IQGAP2: variants seen among roughly 807,000 people sequenced by gnomAD.
IQGAP2 encodes the protein ras GTPase-activating-like protein IQGAP2.
Under a neutral mutation model 201.3 loss-of-function variants are expected in IQGAP2, and 173 were observed. The ratio of observed to expected loss-of-function variants is 0.86; its 90% CI spans 0.76 to 0.98. IQGAP2 has a LOEUF of 0.98. Among genes scored for constraint, IQGAP2 ranks in the 50% least tolerant of loss-of-function variants. The pLI is 0.00. For synonymous variants in IQGAP2, 675 were observed against 673.9 expected, an observed-to-expected ratio of 1.00 and a Z score of -0.03; for missense variants, 1,687 against 1,864.8, an observed-to-expected ratio of 0.90 and a Z score of 1.76.
intron 2 of IQGAP2, among the ~76,000 whole-genome samples, chr5:76,471,364 C>CAAAA (rs59781605): frequency 1.8e-4 from 13 of 72,490 alleles, no homozygotes; most frequent in East Asian, 7.3e-4. Flanking sequence ...ATAAACTAAG[C>CAAAA]AAAAAAAAAA....
chr5:76,561,287 T>C (rs1744346868), intron 2 of IQGAP2, among the ~76,000 whole-genome samples: 1 of 152,208 alleles, frequency 6.6e-6, no homozygotes, highest in South Asian at 2.1e-4. Context: ...TGGTCAGTAA[T>C]AACCACTTAT....
intron 2 of IQGAP2, among the ~76,000 whole-genome samples, chr5:76,525,434 A>G (rs1758916171): frequency 6.6e-6 from 1 of 152,186 alleles, no homozygotes; most frequent in Non-Finnish European, 1.5e-5. Flanking sequence ...ACAGTGCATT[A>G]GTTGATTTAG....
intron 2 of IQGAP2, among the ~76,000 whole-genome samples, chr5:76,496,765 CTTT>C (rs1756989644): frequency 9.7e-5 from 7 of 71,980 alleles, no homozygotes; most frequent in African/African-American, 5.0e-4. Context: ...TTCTTTCTTT[CTTT>C]CTTTCTTTCT....
intron 2 of IQGAP2, among the ~76,000 whole-genome samples, chr5:76,504,212 A>ATC (rs1757464436): frequency 6.6e-6 from 1 of 152,162 alleles, no homozygotes; most frequent in African/African-American, 2.4e-5. Context: ...TGCACCTTGC[A>ATC]TCTCTTCAGC....
At chr5:76,411,678 GCCCCTCA>G (rs781200318) in intron 1 of IQGAP2, among the ~76,000 whole-genome samples, 14 of 152,162 alleles carry the variant, frequency 9.2e-5, no homozygotes, top group Admixed American at 2.0e-4. Context: ...CCAGTTGCAG[GCCCCTCA>G]ACCTTGGACA....
At chr5:76,568,640 G>A (rs1399467859) in intron 3 of IQGAP2, among the ~76,000 whole-genome samples, 2 of 152,296 alleles carry the variant, frequency 1.3e-5, no homozygotes, top group East Asian at 3.9e-4. Context: ...CAAGAAAAGT[G>A]CATACCCATA....
Position 76,695,627 on chromosome 5 carries a change from C to G in IQGAP2, c.4167C>G (p.Ser1389=). The part of the protein sequence containing the change: ...RTLEQTGHVS[S]ENKYQDILNE... The stretch of plus-strand genomic sequence containing the variant: ...TGGAACAGACTGGACACGTGTCATC[C>G]GAAAATAAATACCAAGACATTCTCA... The change falls in exon 32 of 36, where the codon TCC becomes TCG. Residue 1389 remains serine (S), a synonymous_variant. Coordinates refer to ENST00000274364, the MANE Select transcript of IQGAP2 (RefSeq NM_006633.5). The G allele has an allele frequency of 6.2e-7, 1 of 1,614,000 alleles. No homozygotes were observed. The highest frequency in any genetic ancestry group is 1.1e-5 in the South Asian group (1 of 91,058).
At position 76,626,270 on chromosome 5, in the gene IQGAP2, C is replaced by CTTTTT. The variant is rs34251090; in HGVS notation, c.1522-1125_1522-1121dup. ...TTCTTTTTCTTTTTTTTCTTCTTTT[C>CTTTTT]TTTTTTTTTTTTTTTTTTTGTGAGA... On this transcript the variant is annotated intron_variant, in intron 13 of 35. Transcript: ENST00000274364. Among the ~76,000 whole-genome samples, 773 of 83,658 alleles carry CTTTTT rather than the reference C, an allele frequency of 9.2e-3. 17 individuals carry two copies. Among genetic ancestry groups the CTTTTT allele is most frequent in the African/African-American group, 0.01 (203 of 20,170 alleles). 54.9% of individuals were successfully genotyped at this position (83,658 alleles called of 152,430 possible).
At chr5:76,587,302 T>G (rs1375745855) in intron 5 of IQGAP2, among the ~76,000 whole-genome samples, 1 of 152,224 alleles carries the variant, frequency 6.6e-6, no homozygotes, top group African/African-American at 2.4e-5. Context: ...GTGTACCCTT[T>G]CAAGCTGGCA....
At chr5:76,644,440 C>CTGG (rs756235486) in intron 17 of IQGAP2, among the ~76,000 whole-genome samples, 2 of 151,586 alleles carry the variant, frequency 1.3e-5, no homozygotes, top group Non-Finnish European at 2.9e-5. Context: ...GCTGGGATTA[C>CTGG]TGGCATGCGC....
intron 12 of IQGAP2, chr5:76,606,940 A>C (rs1747850962): frequency 6.6e-6 from 1 of 152,222 alleles, no homozygotes; most frequent in African/African-American, 2.4e-5. Context: ...TGTAGTATGC[A>C]TTACCAAATT....
At chr5:76,677,778 A>T (rs1224905945) in intron 28 of IQGAP2, among the ~76,000 whole-genome samples, 1 of 152,114 alleles carries the variant, frequency 6.6e-6, no homozygotes, top group African/African-American at 2.4e-5. Flanking sequence ...AAAATTTTTT[A>T]AAAACTAGCC....
intron 2 of IQGAP2, among the ~76,000 whole-genome samples, chr5:76,539,574 C>T (rs1001620713): frequency 2.0e-5 from 3 of 152,232 alleles, no homozygotes; most frequent in East Asian, 3.9e-4. Context: ...CTTGGAAGTC[C>T]CCCAACCCCT....
chr5:76,649,695 A>T (rs1410850523), intron 17 of IQGAP2, among the ~76,000 whole-genome samples: 1 of 152,044 alleles, frequency 6.6e-6, no homozygotes, highest in Non-Finnish European at 1.5e-5. Context: ...GGTCTGGAGG[A>T]CAGTGGCCAT....
rs184412174 is a variant in IQGAP2, at chr5:76,678,480, A to G, written c.3660+1130A>G. On this transcript the variant is annotated intron_variant, in intron 28 of 35. Transcript: ENST00000274364. The stretch of plus-strand genomic sequence containing the variant: ...TTGCATTGTTTTCTTTTTAAGATCA[A>G]TTGGAACTTATTTCATGAAAAAATC... Among the ~76,000 whole-genome samples, 364 of 152,300 alleles carry G rather than the reference A, an allele frequency of 2.4e-3. 2 individuals are homozygous for G. Among genetic ancestry groups the G allele is most frequent in the Non-Finnish European group, 3.8e-3 (261 of 68,028 alleles).
intron 1 of IQGAP2, among the ~76,000 whole-genome samples, chr5:76,430,365 T>C (rs1752296704): frequency 6.6e-6 from 1 of 152,108 alleles, no homozygotes; most frequent in South Asian, 2.1e-4. Context: ...GCCTGGTACC[T>C]GGGGTGGGAT....
intron 20 of IQGAP2, among the ~76,000 whole-genome samples, chr5:76,657,226 C>A (rs1472194071): frequency 6.6e-6 from 1 of 152,194 alleles, no homozygotes; most frequent in African/African-American, 2.4e-5. Context: ...GTGGGAGAGG[C>A]AGCCATCAAC....
At chr5:76,574,959 A>G (rs1316262698) in intron 4 of IQGAP2, among the ~76,000 whole-genome samples, 2 of 152,248 alleles carry the variant, frequency 1.3e-5, no homozygotes, top group Admixed American at 1.3e-4. Flanking sequence ...ATCTTATAGT[A>G]TAATGAAGGG....
intron 2 of IQGAP2, among the ~76,000 whole-genome samples, chr5:76,490,932 A>G (rs1398949562): frequency 6.6e-6 from 1 of 152,146 alleles, no homozygotes; most frequent in African/African-American, 2.4e-5. Context: ...CCCTAAAAGG[A>G]AAGCCCAGTA....
Sources: gnomAD v4.1 joint callset for allele counts (sites outside exome capture counted in the v4.1 genomes callset) on GRCh38, gnomAD v4.1.1 for gene constraint, MANE v1.5 for transcripts, NCBI Gene and HGNC (gene_info 2026-07-23, HGNC 2026-07-21) for gene names.